ATP6V1A: variants seen among roughly 807,000 people sequenced by gnomAD.
ATP6V1A encodes ATPase H+ transporting V1 subunit A.
ATP6V1A carries 18 observed loss-of-function variants against 70.1 expected under a neutral mutation model. The observed-to-expected ratio is 0.26, with a 90% CI of 0.18 to 0.38. The LOEUF is 0.38. Ranked by LOEUF, ATP6V1A falls within the 10% of genes least tolerant of loss-of-function variation. ATP6V1A has a pLI of 1.00. For synonymous variants in ATP6V1A, 232 were observed against 253.8 expected, an observed-to-expected ratio of 0.91 and a Z score of 0.82; for missense variants, 424 against 772.4, an observed-to-expected ratio of 0.55 and a Z score of 5.35.
intron 1 of ATP6V1A, among the ~76,000 whole-genome samples, chr3:113,757,287 C>T (rs1252125806): frequency 6.6e-6 from 1 of 152,156 alleles, no homozygotes; most frequent in Non-Finnish European, 1.5e-5. Context: ...ATAGGGACAG[C>T]TTGGAAAGTA....
intron 1 of ATP6V1A, among the ~76,000 whole-genome samples, chr3:113,766,805 A>G (rs1247903758): frequency 6.6e-6 from 1 of 152,084 alleles, no homozygotes; most frequent in Admixed American, 6.6e-5. Flanking sequence ...AGTTTTTGCC[A>G]TTGCTTTCGA....
intron 12 of ATP6V1A, among the ~76,000 whole-genome samples, chr3:113,801,373 A>G (rs1262300865): frequency 6.6e-6 from 1 of 152,190 alleles, no homozygotes; most frequent in Non-Finnish European, 1.5e-5. Context: ...CAAAAGACTA[A>G]TAGACCTGTG....
chr3:113,752,743 A>G (rs191823951), intron 1 of ATP6V1A, among the ~76,000 whole-genome samples: 107 of 152,246 alleles, frequency 7.0e-4, no homozygotes, highest in Non-Finnish European at 1.0e-3. Flanking sequence ...ATTCAATCCA[A>G]TGGTGAAAAA....
chr3:113,774,693 G>A (rs1476094089), intron 1 of ATP6V1A, among the ~76,000 whole-genome samples: 2 of 151,876 alleles, frequency 1.3e-5, no homozygotes, highest in Non-Finnish European at 2.9e-5. Context: ...ACACACTGTA[G>A]TCCCAGCTAC....
intron 14 of ATP6V1A, among the ~76,000 whole-genome samples, chr3:113,806,750 G>A (rs1042430871): frequency 1.3e-5 from 2 of 152,036 alleles, no homozygotes; most frequent in Admixed American, 6.6e-5. Context: ...GTGAGCCACC[G>A]CATCCAGCCA....
intron 14 of ATP6V1A, among the ~76,000 whole-genome samples, chr3:113,808,780 A>G (rs924476627): frequency 2.6e-5 from 4 of 152,180 alleles, no homozygotes; most frequent in African/African-American, 4.8e-5. Flanking sequence ...TGTTGAGGAT[A>G]AAGGCTTTGG....
intron 2 of ATP6V1A, among the ~76,000 whole-genome samples, chr3:113,779,960 C>T (rs971985135): frequency 2.6e-5 from 4 of 152,050 alleles, no homozygotes; most frequent in Admixed American, 2.6e-4. Context: ...ACCTATCAAC[C>T]TGTTACCTAG....
At position 113,803,441 on chromosome 3, in the gene ATP6V1A, T is replaced by G. The variant is rs1468737167; in HGVS notation, c.1495-142T>G. 7.7e-6 allele frequency: 5 copies of G among 651,408 alleles called. No individual in the cohort carries two copies. The African/African-American group carries it at 9.1e-5, about 12-fold the overall frequency. The allele number at this position is 651,408 out of a possible 1,614,324, so 40.4% of individuals were successfully genotyped here. On this transcript the variant is annotated intron_variant, in intron 12 of 14. Coordinates refer to ENST00000273398, the MANE Select transcript of ATP6V1A (RefSeq NM_001690.4). ...TTTTAACCACAGTTTAAAAAGAACA[T>G]CAATCAAAAAGCCGTTATAAGTAAA...
rs975803994 is a variant in ATP6V1A at position 113,809,633 on chromosome 3, C to T, written c.*206C>T. On this transcript the variant is annotated 3_prime_UTR_variant, in exon 15 of 15. Coordinates refer to ENST00000273398, the MANE Select transcript of ATP6V1A (RefSeq NM_001690.4). ...TGTTCTAGTGTTGTGAAGGGCCTCCCTCTTCCTTTATCTGAAGTGGTGAAT... is the reference window on the plus strand; with the variant it reads ...TGTTCTAGTGTTGTGAAGGGCCTCCTTCTTCCTTTATCTGAAGTGGTGAAT... 2 of 447,832 alleles carry T rather than the reference C, an allele frequency of 4.5e-6. No individual in the cohort carries two copies. The highest frequency in any genetic ancestry group is 4.2e-6 in the Non-Finnish European group (1 of 240,468). 27.7% of individuals were successfully genotyped at this position (447,832 alleles called of 1,614,324 possible). A position where few individuals can be genotyped will look rare whatever the true frequency, so the allele number is the denominator to read the frequency against.
chr3:113,772,838 TTACAACCACCTCTCTGTA>T (rs1577085601), intron 1 of ATP6V1A, among the ~76,000 whole-genome samples: 2 of 152,024 alleles, frequency 1.3e-5, no homozygotes, highest in East Asian at 3.9e-4. Context: ...CAGGATGTAT[TTACAACCACCTCTCTGTA>T]TAAACACTAT....
At chr3:113,753,223 A>G (rs751493630) in intron 1 of ATP6V1A, among the ~76,000 whole-genome samples, 1 of 152,228 alleles carries the variant, frequency 6.6e-6, no homozygotes, top group Non-Finnish European at 1.5e-5. Flanking sequence ...GTGTAACCTT[A>G]CTAGTAATCA....
At chr3:113,795,306 G>A (rs531299034) in intron 10 of ATP6V1A, 102 bp downstream of exon 10, 15 of 1,234,372 alleles carry the variant, frequency 1.2e-5, no homozygotes, top group Admixed American at 7.6e-5. Context: ...TTTAGCTCCC[G>A]CTGGGAGCAG....
intron 1 of ATP6V1A, among the ~76,000 whole-genome samples, chr3:113,776,805 T>G (rs531880150): frequency 5.9e-5 from 9 of 152,368 alleles, no homozygotes; most frequent in African/African-American, 2.2e-4. Context: ...GCTGTTCTAA[T>G]ATAGTCTTTA....
chr3:113,792,701 T>C (rs1246985325), intron 8 of ATP6V1A, among the ~76,000 whole-genome samples: 1 of 152,168 alleles, frequency 6.6e-6, no homozygotes, highest in Non-Finnish European at 1.5e-5. Context: ...TGCTAATTAT[T>C]ATTTTACATT....
At chr3:113,786,113 C>A in intron 5 of ATP6V1A, 119 bp from the exon 6 acceptor site, 1 of 662,238 alleles carries the variant, frequency 1.5e-6, no homozygotes, top group Non-Finnish European at 2.2e-6. Context: ...AAGTATAAAT[C>A]TCCCTTTGCA....
At chr3:113,806,839 A>G (rs1444457678) in intron 14 of ATP6V1A, among the ~76,000 whole-genome samples, 1 of 152,232 alleles carries the variant, frequency 6.6e-6, no homozygotes, top group Admixed American at 6.5e-5. Context: ...AATTATTAGT[A>G]GGAACTCAAA....
Position 113,798,368 on chromosome 3 carries a change from C to A in ATP6V1A, c.1416C>A (p.Phe472Leu). Residue 472 changes from phenylalanine (F) to leucine (L), a missense_variant, in exon 12 of 15, where the codon TTC becomes TTA. By Grantham distance (22) the Phe-to-Leu change is conservative. Around this residue, in one of 9 missense-constraint regions of ATP6V1A, gnomAD observed 127 missense variants for 207.9 expected, o/e 0.61. Transcript: ENST00000273398. Reference protein sequence around the residue: ...DEYYDKHFTEFVPLRTKAKEI... With the variant: ...DEYYDKHFTELVPLRTKAKEI... ...ACTATGACAAACACTTCACAGAGTT[C>A]GTTCCTCTGAGGACGAAAGCTAAGG... The A allele has an allele frequency of 6.2e-7, 1 of 1,613,840 alleles. No individual in the cohort carries two copies. The highest frequency in any genetic ancestry group is 8.5e-7 in the Non-Finnish European group (1 of 1,179,908).
chr3:113,792,022 A>G (rs191794948), intron 8 of ATP6V1A, among the ~76,000 whole-genome samples: 5 of 152,150 alleles, frequency 3.3e-5, no homozygotes, highest in East Asian at 3.9e-4. Flanking sequence ...TTTAAATTAT[A>G]TTGTTGTGGG....
chr3:113,773,756 A>G (rs573231509), intron 1 of ATP6V1A, among the ~76,000 whole-genome samples: 40 of 152,236 alleles, frequency 2.6e-4, no homozygotes, highest in Admixed American at 6.5e-4. Context: ...TCATCCCTCC[A>G]AGTCTCAGCT....
Sources: gnomAD v4.1 joint callset for allele counts (sites outside exome capture counted in the v4.1 genomes callset) on GRCh38, gnomAD v4.1.1 for gene constraint, gnomAD v4.1.1 regional missense constraint, MANE v1.5 for transcripts, NCBI Gene and HGNC (gene_info 2026-07-23, HGNC 2026-07-21) for gene names.